Variants in ATXN8OS observed in about 807,000 individuals in gnomAD.
ATXN8OS encodes ATXN8 opposite strand lncRNA.
intron 1 of ATXN8OS, among the ~76,000 whole-genome samples, chr13:70,108,824 A>T (rs143506136): frequency 6.6e-6 from 1 of 152,178 alleles, no homozygotes; most frequent in African/African-American, 2.4e-5. Context: ...GTTTCTCTGT[A>T]GTGAGACACA....
At chr13:70,136,337 A>C (rs543206761) in intron 3 of ATXN8OS, among the ~76,000 whole-genome samples, 3 of 152,276 alleles carry the variant, frequency 2.0e-5, no homozygotes, top group Non-Finnish European at 4.4e-5. Context: ...TTAATTTAAT[A>C]ATACAAGAAC....
chr13:70,130,412 T>C lies in ATXN8OS; in HGVS notation n.499+528T>C, dbSNP rs1317534185. Among the ~76,000 whole-genome samples the C allele has an allele frequency of 4.6e-5, 7 of 152,280 alleles. No individual in the cohort carries two copies. In the East Asian group the frequency reaches 1.4e-3, roughly 29 times the overall value. ...AGCACACGCTTACTAATAACAAAAG[T>C]TCATATTAACATACTAAGAAGGCTT... On this transcript the variant is annotated intron_variant and non_coding_transcript_variant, in intron 3 of 4. Coordinates refer to ENST00000678624, the Ensembl canonical transcript of ATXN8OS.
At chr13:70,141,468 T>C (rs1177138647) in intron 3 of ATXN8OS, among the ~76,000 whole-genome samples, 2 of 152,142 alleles carry the variant, frequency 1.3e-5, no homozygotes, top group East Asian at 3.9e-4. Context: ...TTTTGGAACA[T>C]CATTATTTTA....
At chr13:70,108,173 G>C (rs1888124209) in intron 1 of ATXN8OS, 2 of 399,584 alleles carry the variant, frequency 5.0e-6, no homozygotes, top group Admixed American at 4.3e-5. Flanking sequence ...TTGCAGCTCA[G>C]AGTTCAGTGT....
chr13:70,168,407 A>G (rs1889104289), intron 4 of ATXN8OS, among the ~76,000 whole-genome samples: 1 of 152,006 alleles, frequency 6.6e-6, no homozygotes, highest in Non-Finnish European at 1.5e-5. Flanking sequence ...GAAATATACA[A>G]TATGTTGTTG....
intron 2 of ATXN8OS, among the ~76,000 whole-genome samples, chr13:70,116,422 G>T (rs1888279495): frequency 6.6e-6 from 1 of 152,124 alleles, no homozygotes; most frequent in Non-Finnish European, 1.5e-5. Flanking sequence ...GACTGTTCGT[G>T]TATGAGCGAC....
chr13:70,122,226 AT>A (rs1256205316), intron 2 of ATXN8OS, among the ~76,000 whole-genome samples: 2 of 151,786 alleles, frequency 1.3e-5, no homozygotes, highest in Non-Finnish European at 2.9e-5. Context: ...AAACTCAAAA[AT>A]TTTACTCTAC....
chr13:70,150,979 C>T (rs1348892508), intron 4 of ATXN8OS, among the ~76,000 whole-genome samples: 1 of 152,024 alleles, frequency 6.6e-6, no homozygotes, highest in Non-Finnish European at 1.5e-5. Context: ...ACAGCTTTAT[C>T]AAGGTGTGAT....
chr13:70,165,296 T>G (rs1889064994), intron 4 of ATXN8OS, among the ~76,000 whole-genome samples: 1 of 151,692 alleles, frequency 6.6e-6, no homozygotes, highest in African/African-American at 2.4e-5. Flanking sequence ...TATAGATATG[T>G]TAGACTAGGA....
intron 2 of ATXN8OS, among the ~76,000 whole-genome samples, chr13:70,116,191 C>T (rs1328161297): frequency 2.0e-5 from 3 of 151,740 alleles, no homozygotes; most frequent in Admixed American, 1.3e-4. Context: ...AAATCTGTGC[C>T]CTCAAGCACC....
At chr13:70,124,547 G>A (rs1363909260) in intron 2 of ATXN8OS, among the ~76,000 whole-genome samples, 1 of 152,062 alleles carries the variant, frequency 6.6e-6, no homozygotes, top group Non-Finnish European at 1.5e-5. Context: ...AAAGACTTTA[G>A]CCATGTGTTT....
At chr13:70,109,891 T>C (rs1039091091) in intron 1 of ATXN8OS, among the ~76,000 whole-genome samples, 1 of 152,222 alleles carries the variant, frequency 6.6e-6, no homozygotes, top group African/African-American at 2.4e-5. Context: ...TTAATTTATA[T>C]AGAAATTAGT....
chr13:70,121,089 G>A (rs926823115), intron 2 of ATXN8OS, among the ~76,000 whole-genome samples: 2 of 151,654 alleles, frequency 1.3e-5, no homozygotes, highest in African/African-American at 4.9e-5. Flanking sequence ...AAAGAGAGAA[G>A]CCATCCTTGT....
chr13:70,112,920 A>ATATATATAT (rs1555298511), intron 1 of ATXN8OS, among the ~76,000 whole-genome samples: 17 of 87,570 alleles, frequency 1.9e-4, no homozygotes, highest in African/African-American at 4.0e-4. Context: ...TATATATATA[A>ATATATATAT]TTTTTTTTTT....
chr13:70,114,300 T>C (rs1199940234), intron 1 of ATXN8OS, among the ~76,000 whole-genome samples: 2 of 152,136 alleles, frequency 1.3e-5, no homozygotes, highest in African/African-American at 2.4e-5. Flanking sequence ...GACCTCTCCC[T>C]TTCTGTATAA....
chr13:70,126,575 C>G (rs1032877067), intron 2 of ATXN8OS, among the ~76,000 whole-genome samples: 1 of 150,402 alleles, frequency 6.6e-6, no homozygotes, highest in Non-Finnish European at 1.5e-5. Context: ...ATAAATAGAT[C>G]GATGTAAACT....
chr13:70,143,246 A>AT lies in ATXN8OS; in HGVS notation n.500-4106dup, dbSNP rs1048300654. On this transcript the variant is annotated intron_variant and non_coding_transcript_variant, in intron 3 of 4. Transcript: ENST00000678624. Reference sequence around the variant, plus strand: ...ACATCCTTCTTTTTCATGTTCTTGGATTTAATCTAAATTTCCTCAAGTGAA... The same window carrying AT: ...ACATCCTTCTTTTTCATGTTCTTGGATTTTAATCTAAATTTCCTCAAGTGAA... 2.6e-5 allele frequency among the ~76,000 whole-genome samples: 4 copies of AT among 151,978 alleles called. No individual in the cohort carries two copies. In the East Asian group the frequency reaches 7.8e-4, roughly 29 times the overall value.
At chr13:70,159,211 C>T (rs1282391869) in intron 4 of ATXN8OS, among the ~76,000 whole-genome samples, 1 of 151,306 alleles carries the variant, frequency 6.6e-6, no homozygotes, top group African/African-American at 2.4e-5. Context: ...CTTTTTATTA[C>T]ACATATAGAA....
upstream of ATXN8OS, chr13:70,107,439 AGAG>A (rs762432129): frequency 1.2e-6 from 2 of 1,611,046 alleles, no homozygotes; most frequent in Non-Finnish European, 1.7e-6. Context: ...GATTGAAGGA[AGAG>A]GAGGAAGAGG....
Sources: allele counts gnomAD v4.1 joint callset (sites outside exome capture counted in the v4.1 genomes callset), GRCh38; gene constraint gnomAD v4.1.1; transcripts MANE v1.5; gene names NCBI Gene and HGNC (gene_info 2026-07-23, HGNC 2026-07-21).